The following ZNF611 variants were observed in gnomAD, a reference collection of about 807,000 sequenced individuals.
ZNF611 encodes the protein zinc finger protein 611.
In ZNF611, 6 loss-of-function variants were observed where a neutral mutation model predicts 8.9. The ratio of observed to expected loss-of-function variants is 0.68; its 90% CI spans 0.37 to 1.34. ZNF611 has a LOEUF of 1.34. Ranked by LOEUF, ZNF611 falls within the 40% of genes most tolerant of loss-of-function variation. ZNF611 has a pLI of 0.02. For synonymous variants in ZNF611, 262 were observed against 279.7 expected, an observed-to-expected ratio of 0.94 and a Z score of 0.63; for missense variants, 874 against 841.3, an observed-to-expected ratio of 1.04 and a Z score of -0.48.
chr19:52,720,080 G>A lies in ZNF611; in HGVS notation c.-19-4167C>T, dbSNP rs551979767. Among the ~76,000 whole-genome samples, 118 of 152,334 alleles carry A rather than the reference G, an allele frequency of 7.7e-4. 1 individual carries two copies. Among genetic ancestry groups the A allele is most frequent in the African/African-American group, 2.8e-3 (115 of 41,576 alleles). ...CACAGCACGTTTCAGAGAGCACGGG[G>A]TTGGGGGTAGGGTTACACATTAACA... On this transcript the variant is annotated intron_variant, in intron 3 of 5. Coordinates refer to ENST00000652185, the MANE Select transcript of ZNF611 (RefSeq NM_001161499.2).
Position 52,706,446 on chromosome 19 carries a change from C to A in ZNF611, c.609G>T (p.Gln203His), listed in dbSNP as rs1484771870. 5 of 1,614,096 alleles carry A rather than the reference C, an allele frequency of 3.1e-6. No homozygotes were observed. Among genetic ancestry groups the A allele is most frequent in the East Asian group, 2.2e-5 (1 of 44,874 alleles). ...GATTATTCCCATAGTTATTAGAAAT[C>A]TGGGTTTGGGGCCTACAGGAAATTC... is the stretch of plus-strand genomic sequence containing the variant. ...FQRISCRPQT[Q>H]ISNNYGNNPL... The change falls in exon 6 of 6, where the codon CAG (glutamine) becomes CAT (histidine). Residue 203 changes from glutamine (Q) to histidine (H), a missense_variant. By Grantham distance (24) the Gln-to-His change is conservative. Transcript: ENST00000652185.
At chr19:52,721,428 C>T (rs181655065) in intron 3 of ZNF611, among the ~76,000 whole-genome samples, 10 of 152,334 alleles carry the variant, frequency 6.6e-5, no homozygotes, top group African/African-American at 1.9e-4. Flanking sequence ...TCTGCAATCC[C>T]GGCACCTCGG....
chr19:52,720,076 C>G (rs1050945470), intron 3 of ZNF611, among the ~76,000 whole-genome samples: 1 of 152,110 alleles, frequency 6.6e-6, no homozygotes, highest in Non-Finnish European at 1.5e-5. Context: ...TCAGAGAGCA[C>G]GGGGTTGGGG....
intron 5 of ZNF611, among the ~76,000 whole-genome samples, chr19:52,711,528 C>G (rs575780626): frequency 3.3e-5 from 5 of 152,064 alleles, no homozygotes; most frequent in Admixed American, 3.3e-4. Flanking sequence ...CAATAGTCAG[C>G]GCAGGCAGGA....
At chr19:52,726,454 T>A (rs2062393977) in intron 3 of ZNF611, among the ~76,000 whole-genome samples, 1 of 152,196 alleles carries the variant, frequency 6.6e-6, no homozygotes, top group Non-Finnish European at 1.5e-5. Flanking sequence ...GGAGTCTTGC[T>A]CTGTCACCCA....
Position 52,704,884 on chromosome 19 carries a change from ATGTCTT to A in ZNF611, c.*47_*52del. On this transcript the variant is annotated 3_prime_UTR_variant, in exon 6 of 6. Transcript: ENST00000652185. ...CTTTCTCTCCAGTATAAATTCTCCT[ATGTCTT>A]TAAGGTGTGATTTCCAAATGGAAAC... is the stretch of plus-strand genomic sequence containing the variant. 6.2e-7 allele frequency: 1 copy of A among 1,610,034 alleles called. No individual in the cohort carries two copies. Among genetic ancestry groups the A allele is most frequent in the Middle Eastern group, 1.7e-4 (1 of 6,026 alleles).
At chr19:52,709,755 T>C (rs1188825665) in intron 5 of ZNF611, among the ~76,000 whole-genome samples, 3 of 151,450 alleles carry the variant, frequency 2.0e-5, no homozygotes, top group Admixed American at 6.6e-5. Flanking sequence ...TTAGTAGAGA[T>C]GTGGTTTCTC....
At position 52,709,465 on chromosome 19, in the gene ZNF611, G is replaced by T. The variant is rs555981078; in HGVS notation, c.191-2601C>A. Among the ~76,000 whole-genome samples, 5 of 152,100 alleles carry T rather than the reference G, an allele frequency of 3.3e-5. No individual in the cohort carries two copies. In the South Asian group the frequency reaches 1.0e-3, roughly 32 times the overall value. ...TTTTTATATTTTTAGTAGAGAAGGG[G>T]TTTCACCATGTTGGCCAGGATGGTC... On this transcript the variant is annotated intron_variant, in intron 5 of 5. Transcript: ENST00000652185.
At chr19:52,711,697 C>T (rs2075576641) in intron 5 of ZNF611, among the ~76,000 whole-genome samples, 1 of 152,144 alleles carries the variant, frequency 6.6e-6, no homozygotes, top group African/African-American at 2.4e-5. Flanking sequence ...ATGTCCTGCA[C>T]ACACTGATTT....
intron 3 of ZNF611, among the ~76,000 whole-genome samples, chr19:52,717,907 C>A (rs112350287): frequency 6.6e-6 from 1 of 151,950 alleles, no homozygotes; most frequent in African/African-American, 2.4e-5. Flanking sequence ...AAAACGTTTT[C>A]GATATATGAT....
rs181152181 is a variant in ZNF611 at position 52,716,909 on chromosome 19, G to C, written c.-19-996C>G. On this transcript the variant is annotated intron_variant, in intron 3 of 5. Transcript: ENST00000652185. ...ACATCTCTACTAAAAATACAAAACT[G>C]ATCCGGGCATCTACTTGGGAAGCTG... is the stretch of plus-strand genomic sequence containing the variant. Among the ~76,000 whole-genome samples, 314 of 151,982 alleles carry C rather than the reference G, an allele frequency of 2.1e-3. 1 individual carries two copies. The highest frequency in any genetic ancestry group is 7.3e-3 in the African/African-American group (302 of 41,476).
In ZNF611 at chr19:52,704,368, G is replaced by C; in HGVS notation, c.*569C>G. On this transcript the variant is annotated 3_prime_UTR_variant, in exon 6 of 6. Coordinates refer to ENST00000652185, the MANE Select transcript of ZNF611 (RefSeq NM_001161499.2). ...ATGACATTTGTAAGATTTCTGTCCAGTATAGATTCTCTGATGTCTAATGAC... is the reference window on the plus strand; with the variant it reads ...ATGACATTTGTAAGATTTCTGTCCACTATAGATTCTCTGATGTCTAATGAC... 1 of 634,604 alleles carries C rather than the reference G, an allele frequency of 1.6e-6. No individual in the cohort carries two copies. 39.3% of individuals were successfully genotyped at this position (634,604 alleles called of 1,614,324 possible).
intron 5 of ZNF611, among the ~76,000 whole-genome samples, chr19:52,712,456 TAAAAAAAAAAA>T (rs55649603): frequency 5.3e-5 from 2 of 37,434 alleles, no homozygotes; most frequent in Non-Finnish European, 8.9e-5. Flanking sequence ...CTGTCTCTAC[TAAAAAAAAAAA>T]AAAAAAAAAA....
rs1402386388 is a variant in ZNF611 at position 52,703,916 on chromosome 19, G to A, written c.*1021C>T. On this transcript the variant is annotated 3_prime_UTR_variant, in exon 6 of 6. Coordinates refer to ENST00000652185, the MANE Select transcript of ZNF611 (RefSeq NM_001161499.2). The stretch of plus-strand genomic sequence containing the variant: ...TCATATCCCTTTTAAAAATTACTAT[G>A]ATATATCCCTTTCAAAAAGTACTAA... The A allele has an allele frequency of 3.6e-5, 6 of 166,390 alleles. 1 individual carries two copies. The highest frequency in any genetic ancestry group is 2.4e-4 in the Admixed American group (4 of 16,998). The allele number at this position is 166,390 out of a possible 1,614,324, so 10.3% of individuals were successfully genotyped here.
intron 3 of ZNF611, among the ~76,000 whole-genome samples, chr19:52,722,995 T>C (rs113702340): frequency 0.038 from 5,658 of 150,620 alleles, 344 homozygotes; most frequent in African/African-American, 0.13. Flanking sequence ...AATCTCTCTG[T>C]CCCAGTCTCC....
At position 52,726,090 on chromosome 19, in the gene ZNF611, G is replaced by T. The variant is rs543688421; in HGVS notation, c.-20+2640C>A. Among the ~76,000 whole-genome samples the T allele has an allele frequency of 1.1e-4, 17 of 152,334 alleles. No homozygotes were observed. The South Asian group carries it at 2.3e-3, about 20-fold the overall frequency. ...TTTCATGCTGATGGCCCACAGAACA[G>T]AACAGAACTCCTCTCCCTTTCTATT... On this transcript the variant is annotated intron_variant, in intron 3 of 5. Transcript: ENST00000652185.
At chr19:52,725,250 G>GGCCC (rs1193096853) in intron 3 of ZNF611, among the ~76,000 whole-genome samples, 1 of 152,172 alleles carries the variant, frequency 6.6e-6, no homozygotes, top group Non-Finnish European at 1.5e-5. Flanking sequence ...GGAGCAGCAG[G>GGCCC]GCCCGGCACG....
chr19:52,717,566 A>AC (rs1346215051), intron 3 of ZNF611: 1 of 431,590 alleles, frequency 2.3e-6, no homozygotes, highest in Non-Finnish European at 3.1e-6. Flanking sequence ...CACACACAGC[A>AC]ATAGGTGTTT....
intron 3 of ZNF611, among the ~76,000 whole-genome samples, chr19:52,728,441 G>A (rs1378248965): frequency 2.0e-5 from 3 of 152,106 alleles, no homozygotes; most frequent in African/African-American, 7.2e-5. Context: ...GGGAGGCTGA[G>A]GCAGGAGAAT....
Sources: allele counts gnomAD v4.1 joint callset (sites outside exome capture counted in the v4.1 genomes callset), GRCh38; gene constraint gnomAD v4.1.1; transcripts MANE v1.5; gene names NCBI Gene and HGNC (gene_info 2026-07-23, HGNC 2026-07-21).